Variants in STK3 observed in about 807,000 individuals in gnomAD.
STK3 encodes serine/threonine-protein kinase 3.
Under a neutral mutation model 58.0 loss-of-function variants are expected in STK3, and 41 were observed. The ratio of observed to expected loss-of-function variants is 0.71; its 90% CI spans 0.55 to 0.92. The LOEUF is 0.92. Ranked by LOEUF, STK3 falls within the 40% of genes least tolerant of loss-of-function variation. The probability of loss-of-function intolerance (pLI) is 0.00; values close to 1 mark genes in which losing one functional copy is unlikely to be tolerated. For synonymous variants in STK3, 170 were observed against 191.0 expected (o/e 0.89, Z 0.91); for missense variants, 479 against 602.7 (o/e 0.79, Z 2.15).
intron 8 of STK3, among the ~76,000 whole-genome samples, chr8:98,554,047 G>C (rs1563734129): frequency 1.3e-5 from 2 of 151,946 alleles, no homozygotes; most frequent in Non-Finnish European, 2.9e-5. Context: ...TTCATAATTT[G>C]TCCAAGGTCA....
chr8:98,486,665 G>C (rs1266224561), intron 10 of STK3, among the ~76,000 whole-genome samples: 1 of 152,216 alleles, frequency 6.6e-6, no homozygotes, highest in Non-Finnish European at 1.5e-5. Context: ...GGTGAGGGGA[G>C]AGGAAGAAAG....
chr8:98,708,156 A>G (rs904367167), intron 4 of STK3, among the ~76,000 whole-genome samples: 2 of 152,104 alleles, frequency 1.3e-5, no homozygotes, highest in East Asian at 1.9e-4. Context: ...AAAAAAAATT[A>G]TCAGTATCAT....
intron 3 of STK3, among the ~76,000 whole-genome samples, chr8:98,395,406 C>T (rs893815212): frequency 6.6e-5 from 10 of 152,244 alleles, no homozygotes; most frequent in African/African-American, 2.2e-4. Flanking sequence ...GAAATTTTAT[C>T]CATTTGGCAG....
chr8:98,700,327 C>G (rs1408008144), intron 6 of STK3, among the ~76,000 whole-genome samples: 1 of 152,238 alleles, frequency 6.6e-6, no homozygotes, highest in Non-Finnish European at 1.5e-5. Flanking sequence ...CCGAGTGAGG[C>G]AATGCCTCGC....
intron 6 of STK3, 81 bp from the exon 7 acceptor site, chr8:98,596,250 T>C: frequency 6.9e-7 from 1 of 1,447,354 alleles, no homozygotes; most frequent in Non-Finnish European, 9.2e-7. Context: ...TCTGTCTTTT[T>C]ATCAGACTCT....
chr8:98,724,617 T>C (rs1827671275), intron 4 of STK3, among the ~76,000 whole-genome samples: 1 of 152,060 alleles, frequency 6.6e-6, no homozygotes, highest in Non-Finnish European at 1.5e-5. Flanking sequence ...AGACAAAGAC[T>C]AAAAGGAGGA....
chr8:98,733,177 C>T (rs575109907), intron 4 of STK3, among the ~76,000 whole-genome samples: 1 of 152,156 alleles, frequency 6.6e-6, no homozygotes, highest in African/African-American at 2.4e-5. Context: ...TACTGAGCAC[C>T]CATCCTAGGA....
At chr8:98,813,451 C>T (rs1834353148) in intron 1 of STK3, among the ~76,000 whole-genome samples, 1 of 152,108 alleles carries the variant, frequency 6.6e-6, no homozygotes, top group Non-Finnish European at 1.5e-5. Flanking sequence ...CCTGAAACCA[C>T]CTAAGAAAAT....
At position 98,893,512 on chromosome 8, in the gene STK3, G is replaced by GAAAGAAAA. The variant is rs1200816392; in HGVS notation, c.-78-9679_-78-9678insTTTTCTTT. On this transcript the variant is annotated intron_variant, in intron 1 of 1. Coordinates refer to the STK3 transcript ENST00000519420. ...AGAAAGAAAGAAAGAAAGAAAGAAA[G>GAAAGAAAA]AAAGAAAGAAAGAAAGAAAGAAAGA... 2.4e-3 allele frequency among the ~76,000 whole-genome samples: 295 copies of GAAAGAAAA among 123,436 alleles called. 1 individual carries two copies. Among genetic ancestry groups the GAAAGAAAA allele is most frequent in the East Asian group, 8.0e-3 (36 of 4,494 alleles). The allele number at this position is 123,436 out of a possible 152,430, so 81.0% of individuals were successfully genotyped here.
chr8:98,624,959 AG>A (rs1344777256), intron 6 of STK3, among the ~76,000 whole-genome samples: 2 of 152,214 alleles, frequency 1.3e-5, no homozygotes, highest in Non-Finnish European at 2.9e-5. Context: ...GGAAAACAGG[AG>A]GAAAAATAAG....
the STK3 span, among the ~76,000 whole-genome samples, chr8:98,353,666 T>C: frequency 6.6e-4 from 100 of 152,310 alleles, no homozygotes; most frequent in African/African-American, 2.2e-3. Flanking sequence ...ATATTCAACA[T>C]GTAGCAGATG....
At chr8:98,653,596 A>C (rs891941643) in intron 6 of STK3, among the ~76,000 whole-genome samples, 1 of 152,182 alleles carries the variant, frequency 6.6e-6, no homozygotes, top group Admixed American at 6.5e-5. Context: ...CAAGACTAAT[A>C]AAGAAGAAAA....
chr8:98,357,610 G>C, the STK3 span, among the ~76,000 whole-genome samples: 2 of 152,334 alleles, frequency 1.3e-5, no homozygotes, highest in Admixed American at 1.3e-4. Flanking sequence ...CATCTGGAGG[G>C]AGGAAAAACA....
intron 3 of STK3, among the ~76,000 whole-genome samples, chr8:98,751,222 C>T (rs1829958042): frequency 6.6e-6 from 1 of 152,156 alleles, no homozygotes; most frequent in South Asian, 2.1e-4. Context: ...TCTCACCATT[C>T]CTGTTTAACA....
At chr8:98,771,376 G>C (rs1831306756) in intron 2 of STK3, among the ~76,000 whole-genome samples, 1 of 152,074 alleles carries the variant, frequency 6.6e-6, no homozygotes. Flanking sequence ...CCACATTTTG[G>C]CTATTGTAAA....
chr8:98,646,959 T>C (rs1820444171), intron 6 of STK3, among the ~76,000 whole-genome samples: 1 of 152,044 alleles, frequency 6.6e-6, no homozygotes, highest in African/African-American at 2.4e-5. Flanking sequence ...ACCTAAGTAA[T>C]CCTTTAAAAA....
intron 1 of STK3, among the ~76,000 whole-genome samples, chr8:98,908,509 C>T (rs545184788): frequency 6.6e-6 from 1 of 152,262 alleles, no homozygotes; most frequent in South Asian, 2.1e-4. Context: ...GCTATCATTA[C>T]ACCATTGCAC....
intron 6 of STK3, among the ~76,000 whole-genome samples, chr8:98,655,592 A>G (rs1406328513): frequency 1.3e-5 from 2 of 151,764 alleles, no homozygotes; most frequent in Admixed American, 6.6e-5. Context: ...CTCATCTGAC[A>G]AAGGGCTAAT....
chr8:98,863,114 C>CT (rs1836995586), intron 3 of STK3, among the ~76,000 whole-genome samples: 1 of 152,102 alleles, frequency 6.6e-6, no homozygotes, highest in Non-Finnish European at 1.5e-5. Context: ...GATATGGTTC[C>CT]TTTTTTATGG....
Sources: gnomAD v4.1 joint callset for allele counts (sites outside exome capture counted in the v4.1 genomes callset) on GRCh38, gnomAD v4.1.1 for gene constraint, MANE v1.5 for transcripts, NCBI Gene and HGNC (gene_info 2026-07-23, HGNC 2026-07-21) for gene names.